NRG1: variants seen among roughly 807,000 people sequenced by gnomAD.
NRG1 encodes the protein pro-neuregulin-1, membrane-bound isoform.
A neutral mutation model predicts 63.8 loss-of-function variants in NRG1; 18 were observed. The ratio of observed to expected loss-of-function variants is 0.28; its 90% CI spans 0.19 to 0.42. The LOEUF is 0.42. Ranked by LOEUF, NRG1 falls within the 10% of genes least tolerant of loss-of-function variation. The probability of loss-of-function intolerance (pLI) is 1.00; values close to 1 mark genes in which losing one functional copy is unlikely to be tolerated. For synonymous variants in NRG1, 302 were observed against 301.3 expected, an observed-to-expected ratio of 1.00 and a Z score of -0.02; for missense variants, 762 against 814.7, an observed-to-expected ratio of 0.94 and a Z score of 0.79.
chr8:31,837,859 T>C (rs1659951499), intron 1 of NRG1, among the ~76,000 whole-genome samples: 1 of 152,090 alleles, frequency 6.6e-6, no homozygotes, highest in African/African-American at 2.4e-5. Context: ...ATATGTACTG[T>C]GTTTTCTTTA....
chr8:32,332,928 C>T (rs1414501149), intron 1 of NRG1, among the ~76,000 whole-genome samples: 1 of 152,174 alleles, frequency 6.6e-6, no homozygotes, highest in East Asian at 1.9e-4. Flanking sequence ...CTAAAGCATT[C>T]TGAAGAAAGG....
At chr8:31,664,451 T>G (rs1014232737) in intron 1 of NRG1, among the ~76,000 whole-genome samples, 5 of 152,168 alleles carry the variant, frequency 3.3e-5, no homozygotes, top group African/African-American at 1.2e-4. Flanking sequence ...TCTGAGAACT[T>G]ATTCAGAGCC....
intron 5 of NRG1, among the ~76,000 whole-genome samples, chr8:32,633,843 A>G (rs1451776230): frequency 6.6e-6 from 1 of 152,066 alleles, no homozygotes; most frequent in African/African-American, 2.4e-5. Context: ...AAGTTGCTTA[A>G]GGCCGGGAGC....
At chr8:31,863,138 A>T (rs1828629121) in intron 1 of NRG1, among the ~76,000 whole-genome samples, 1 of 152,072 alleles carries the variant, frequency 6.6e-6, no homozygotes, top group Non-Finnish European at 1.5e-5. Flanking sequence ...CATTCACACC[A>T]CTCAGTGCCC....
At chr8:32,605,320 A>C (rs1035060208) in intron 2 of NRG1, among the ~76,000 whole-genome samples, 1 of 152,158 alleles carries the variant, frequency 6.6e-6, no homozygotes, top group Non-Finnish European at 1.5e-5. Context: ...GAATTCCTTT[A>C]AACTACTGAT....
chr8:31,712,100 A>G lies in NRG1; in HGVS notation c.37+72669A>G, dbSNP rs184477298. ...CTTTTCAAGTCTTTATTTTCATTTT[A>G]TTTTGTTCTCCTTTTTTTAATTAGC... On this transcript the variant is annotated intron_variant, in intron 1 of 10. Transcript: ENST00000519301. Among the ~76,000 whole-genome samples the G allele has an allele frequency of 2.0e-5, 3 of 149,712 alleles. No homozygotes were observed. The East Asian group carries it at 6.0e-4, about 30-fold the overall frequency.
At chr8:32,344,372 T>TTCTTTCTTCTTTCTTTCTTTCTTTCTTCC (rs1554513685) in intron 1 of NRG1, among the ~76,000 whole-genome samples, 1 of 58,676 alleles carries the variant, frequency 1.7e-5, no homozygotes, top group Admixed American at 1.6e-4. Flanking sequence ...CTTTCTTTCT[T>TTCTTTCTTCTTTCTTTCTTTCTTTCTTCC]TCTTTCTTTC....
intron 1 of NRG1, among the ~76,000 whole-genome samples, chr8:32,375,096 C>T (rs1238301064): frequency 6.6e-5 from 10 of 152,162 alleles, no homozygotes; most frequent in Non-Finnish European, 1.5e-5. Context: ...GATCCTCCCA[C>T]CTCAGCCTCC....
At chr8:32,651,271 A>G (rs927327551) in intron 5 of NRG1, among the ~76,000 whole-genome samples, 3 of 152,182 alleles carry the variant, frequency 2.0e-5, no homozygotes, top group African/African-American at 7.2e-5. Context: ...AAGAAGTCCA[A>G]TGCAGAATTG....
intron 1 of NRG1, among the ~76,000 whole-genome samples, chr8:31,991,730 T>C (rs577307631): frequency 3.9e-5 from 6 of 151,966 alleles, no homozygotes; most frequent in Non-Finnish European, 7.4e-5. Flanking sequence ...GCCTATTTTT[T>C]AAATTAAGCT....
chr8:32,469,439 G>A (rs904341189), intron 1 of NRG1, among the ~76,000 whole-genome samples: 2 of 152,166 alleles, frequency 1.3e-5, no homozygotes, highest in African/African-American at 4.8e-5. Context: ...AGCTTGTGCT[G>A]TTCTTGTTGG....
chr8:31,645,200 A>G (rs1804175962), intron 1 of NRG1, among the ~76,000 whole-genome samples: 1 of 152,208 alleles, frequency 6.6e-6, no homozygotes, highest in Admixed American at 6.5e-5. Flanking sequence ...AAGAATATAT[A>G]ACCTGGCTAG....
In NRG1 at chr8:32,069,079, G is replaced by A. The variant is rs1213419092; in HGVS notation, c.37+429648G>A. Among the ~76,000 whole-genome samples the A allele has an allele frequency of 5.9e-5, 9 of 152,162 alleles. 1 individual carries two copies. In the East Asian group the frequency reaches 1.7e-3, roughly 29 times the overall value. On this transcript the variant is annotated intron_variant, in intron 1 of 10. Transcript: ENST00000519301. ...GGAAGGAAAGCAGAATGGCAGGAAG[G>A]GGGCCAGGTGCTATCTCCTTGAAGG...
chr8:31,862,539 T>C (rs906670990), intron 1 of NRG1, among the ~76,000 whole-genome samples: 8 of 152,224 alleles, frequency 5.3e-5, no homozygotes, highest in African/African-American at 1.9e-4. Context: ...GAACTTGATT[T>C]GGGCAACTAA....
intron 1 of NRG1, among the ~76,000 whole-genome samples, chr8:31,987,384 G>A (rs1810274554): frequency 6.8e-6 from 1 of 148,060 alleles, no homozygotes; most frequent in South Asian, 2.2e-4. Context: ...TTACCTGTAA[G>A]GTGTTAGTCA....
chr8:31,914,955 A>G (rs1451440695), intron 1 of NRG1, among the ~76,000 whole-genome samples: 1 of 152,070 alleles, frequency 6.6e-6, no homozygotes, highest in African/African-American at 2.4e-5. Context: ...CATATGGTAT[A>G]AATTATTTTA....
chr8:31,679,764 C>T (rs999852679), intron 1 of NRG1, among the ~76,000 whole-genome samples: 1 of 151,962 alleles, frequency 6.6e-6, no homozygotes, highest in African/African-American at 2.4e-5. Flanking sequence ...GAGGAAGAAA[C>T]AATGCTATCC....
intron 1 of NRG1, among the ~76,000 whole-genome samples, chr8:32,101,031 G>A (rs928558480): frequency 5.1e-4 from 15 of 29,306 alleles, no homozygotes; most frequent in Admixed American, 1.3e-3. Flanking sequence ...TTCCCATATT[G>A]CTTTTTTTTT....
rs74785569 is a variant in NRG1 at position 31,764,502 on chromosome 8, G to T, written c.37+125071G>T. Among the ~76,000 whole-genome samples, 256 of 152,152 alleles carry T rather than the reference G, an allele frequency of 1.7e-3. 6 individuals carry two copies. In the East Asian group the frequency reaches 0.045, roughly 27 times the overall value. ...TGATGTAGTATAATATGTATTGAAG[G>T]TAGATAGAGTGATTCCTCCCACTTC... On this transcript the variant is annotated intron_variant, in intron 1 of 10. Transcript: ENST00000519301.
Sources: allele counts gnomAD v4.1 joint callset (sites outside exome capture counted in the v4.1 genomes callset), GRCh38; gene constraint gnomAD v4.1.1; transcripts MANE v1.5; gene names NCBI Gene and HGNC (gene_info 2026-07-23, HGNC 2026-07-21).